The following GABRG3 variants were observed in gnomAD, a reference collection of about 807,000 sequenced individuals.
GABRG3 encodes the protein gamma-aminobutyric acid type A receptor subunit gamma3, also known as gamma-aminobutyric acid receptor subunit gamma-3.
In GABRG3, 25 loss-of-function variants were observed where a neutral mutation model predicts 48.8. The observed-to-expected ratio is 0.51, with a 90% confidence interval of 0.37 to 0.72. The LOEUF (loss-of-function observed/expected upper bound fraction) is 0.72, where lower values mean the gene tolerates loss of function less well. Among genes scored for constraint, GABRG3 ranks in the 30% least tolerant of loss-of-function variants. The pLI is 0.00. For missense variants in GABRG3, 394 were observed against 577.9 expected, an observed-to-expected ratio of 0.68 and a Z score of 3.26; for synonymous variants, 227 against 217.6, an observed-to-expected ratio of 1.04 and a Z score of -0.38.
chr15:27,378,851 T>A (rs1020434053), intron 5 of GABRG3, among the ~76,000 whole-genome samples: 1 of 152,138 alleles, frequency 6.6e-6, no homozygotes, highest in Non-Finnish European at 1.5e-5. Context: ...TGTGAACAGA[T>A]TGGAGAGGGG....
intron 5 of GABRG3, among the ~76,000 whole-genome samples, chr15:27,359,036 C>T (rs1894936985): frequency 6.6e-6 from 1 of 152,232 alleles, no homozygotes; most frequent in Non-Finnish European, 1.5e-5. Context: ...TGGCTGCCTG[C>T]ACTGCAGGCT....
chr15:27,263,896 A>G (rs1016362298), intron 3 of GABRG3, among the ~76,000 whole-genome samples: 11 of 151,232 alleles, frequency 7.3e-5, no homozygotes, highest in African/African-American at 2.2e-4. Context: ...ACTGCACTCC[A>G]GCCTGGGCGA....
At chr15:27,438,499 C>T (rs1028288639) in intron 5 of GABRG3, among the ~76,000 whole-genome samples, 1 of 152,186 alleles carries the variant, frequency 6.6e-6, no homozygotes, top group African/African-American at 2.4e-5. Flanking sequence ...CTACGAAATG[C>T]TTCCAGCTCT....
intron 5 of GABRG3, among the ~76,000 whole-genome samples, chr15:27,360,610 G>A (rs147683912): frequency 7.2e-5 from 11 of 152,288 alleles, no homozygotes; most frequent in African/African-American, 2.6e-4. Context: ...TGAGGTGCCC[G>A]ACCTCTGTCT....
intron 5 of GABRG3, among the ~76,000 whole-genome samples, chr15:27,351,602 G>A (rs1451585693): frequency 6.7e-6 from 1 of 149,746 alleles, no homozygotes; most frequent in Non-Finnish European, 1.5e-5. Flanking sequence ...TGGCGTTTGT[G>A]TGTGTATGGT....
intron 5 of GABRG3, among the ~76,000 whole-genome samples, chr15:27,340,343 A>G (rs1400443139): frequency 6.6e-6 from 1 of 152,198 alleles, no homozygotes; most frequent in Non-Finnish European, 1.5e-5. Flanking sequence ...TTTCAAGGGC[A>G]GAGAAAATAG....
intron 3 of GABRG3, among the ~76,000 whole-genome samples, chr15:27,286,246 T>C (rs1158556723): frequency 6.6e-6 from 1 of 152,228 alleles, no homozygotes; most frequent in Non-Finnish European, 1.5e-5. Context: ...ACTGTTTGAC[T>C]TGCTTTAGGA....
intron 3 of GABRG3, among the ~76,000 whole-genome samples, chr15:27,184,275 G>A (rs1888024473): frequency 6.6e-6 from 1 of 152,182 alleles, no homozygotes; most frequent in Non-Finnish European, 1.5e-5. Flanking sequence ...GGCTGAGAAG[G>A]ATATCAAGTT....
At chr15:27,207,713 T>C (rs1339896013) in intron 3 of GABRG3, among the ~76,000 whole-genome samples, 1 of 152,160 alleles carries the variant, frequency 6.6e-6, no homozygotes, top group African/African-American at 2.4e-5. Context: ...TTGCTAGCGC[T>C]CAAGGTGCTG....
intron 3 of GABRG3, among the ~76,000 whole-genome samples, chr15:27,254,766 G>T (rs182022843): frequency 1.3e-5 from 2 of 152,180 alleles, no homozygotes; most frequent in Non-Finnish European, 2.9e-5. Flanking sequence ...ATGAATTTGG[G>T]GGGGACACAA....
chr15:27,026,363 G>A (rs1173007849), intron 2 of GABRG3, among the ~76,000 whole-genome samples: 2 of 152,296 alleles, frequency 1.3e-5, no homozygotes, highest in South Asian at 2.1e-4. Flanking sequence ...CCTCTCTTGT[G>A]TTGAGTTTTA....
intron 3 of GABRG3, among the ~76,000 whole-genome samples, chr15:27,267,108 T>TC (rs1890944748): frequency 6.7e-6 from 1 of 149,004 alleles, no homozygotes; most frequent in Non-Finnish European, 1.5e-5. Flanking sequence ...TTTACTTTTT[T>TC]TTTTTTTTTT....
rs936574026 is a variant in GABRG3 at position 27,226,605 on chromosome 15, G to A, written c.271-100204G>A. Among the ~76,000 whole-genome samples the A allele has an allele frequency of 8.6e-5, 13 of 151,826 alleles. 1 individual carries two copies. Among genetic ancestry groups the A allele is most frequent in the Admixed American group, 3.3e-4 (5 of 15,260 alleles). On this transcript the variant is annotated intron_variant, in intron 3 of 9. Transcript: ENST00000615808. ...GTGGGCTGCCATCCGGATGCCCCGG[G>A]CTTCAGAGGAGCCACCGGTGCTTCC... is the stretch of plus-strand genomic sequence containing the variant.
At chr15:27,406,285 G>A (rs931757109) in intron 5 of GABRG3, among the ~76,000 whole-genome samples, 3 of 152,178 alleles carry the variant, frequency 2.0e-5, no homozygotes, top group African/African-American at 4.8e-5. Context: ...GATACTTCTT[G>A]CTAGGAGGCG....
intron 3 of GABRG3, among the ~76,000 whole-genome samples, chr15:27,127,143 A>T (rs779995448): frequency 6.6e-6 from 1 of 152,158 alleles, no homozygotes; most frequent in Admixed American, 6.5e-5. Context: ...TCCTGAACAC[A>T]TCTGTGTATA....
At chr15:27,065,697 A>C (rs1232357560) in intron 3 of GABRG3, among the ~76,000 whole-genome samples, 2 of 152,268 alleles carry the variant, frequency 1.3e-5, no homozygotes, top group East Asian at 3.8e-4. Flanking sequence ...CTGCCTGCTG[A>C]GCAGCCTTCC....
At chr15:26,981,746 G>A (rs1397934866) in intron 2 of GABRG3, among the ~76,000 whole-genome samples, 1 of 152,214 alleles carries the variant, frequency 6.6e-6, no homozygotes, top group African/African-American at 2.4e-5. Context: ...GTGCCTGACC[G>A]TGGCTTGCTT....
chr15:27,329,775 G>A (rs1231573700), intron 5 of GABRG3, among the ~76,000 whole-genome samples: 1 of 152,098 alleles, frequency 6.6e-6, no homozygotes, highest in East Asian at 1.9e-4. Flanking sequence ...TAGTATAAGA[G>A]TACATATAAA....
At chr15:27,097,808 A>G (rs1313878392) in intron 3 of GABRG3, among the ~76,000 whole-genome samples, 1 of 152,158 alleles carries the variant, frequency 6.6e-6, no homozygotes, top group Admixed American at 6.5e-5. Flanking sequence ...AGCTGGCCCA[A>G]AATGTCATAC....
Sources: gnomAD v4.1 joint callset for allele counts (sites outside exome capture counted in the v4.1 genomes callset) on GRCh38, gnomAD v4.1.1 for gene constraint, MANE v1.5 for transcripts, NCBI Gene and HGNC (gene_info 2026-07-23, HGNC 2026-07-21) for gene names.